The following TNFRSF8 variants were observed in gnomAD, a reference collection of about 807,000 sequenced individuals.
The protein encoded by TNFRSF8 is tumor necrosis factor receptor superfamily member 8.
In TNFRSF8, 26 loss-of-function variants were observed where a neutral mutation model predicts 70.8. The observed-to-expected ratio is 0.37, with a 90% CI of 0.27 to 0.51. The LOEUF (loss-of-function observed/expected upper bound fraction) is 0.51. TNFRSF8 is among the 20% of genes least tolerant of loss of function. TNFRSF8 has a pLI of 0.94. For missense variants in TNFRSF8, 720 were observed against 807.9 expected (o/e 0.89, Z 1.32); for synonymous variants, 356 against 339.2 (o/e 1.05, Z -0.54).
chr1:12,117,214 C>T (rs766502913), intron 8 of TNFRSF8, among the ~76,000 whole-genome samples: 8 of 152,214 alleles, frequency 5.3e-5, no homozygotes, highest in Middle Eastern at 3.4e-3. Context: ...TCCCGAGTAG[C>T]TGGGATTACA....
intron 8 of TNFRSF8, among the ~76,000 whole-genome samples, chr1:12,121,653 A>G (rs888023076): frequency 2.0e-5 from 3 of 152,212 alleles, no homozygotes; most frequent in Non-Finnish European, 4.4e-5. Flanking sequence ...GCTGGGTCAG[A>G]CCAGTGGTGG....
chr1:12,132,101 A>G (rs1473130774), intron 12 of TNFRSF8, among the ~76,000 whole-genome samples: 1 of 152,142 alleles, frequency 6.6e-6, no homozygotes, highest in Non-Finnish European at 1.5e-5. Flanking sequence ...CTCATTTTTA[A>G]AAATAGTTTT....
In TNFRSF8 at chr1:12,111,604, A is replaced by G. The variant is rs11569884; in HGVS notation, c.677-294A>G. ...GGAAGCTGTTCCCAAAGTTTTGAGC[A>G]GGGGAGTGACAGAGCCATGAGACAG... On this transcript the variant is annotated intron_variant, in intron 6 of 14. Coordinates refer to ENST00000263932, the MANE Select transcript of TNFRSF8 (RefSeq NM_001243.5). Among the ~76,000 whole-genome samples the G allele has an allele frequency of 8.3e-4, 126 of 152,230 alleles. 1 individual carries two copies. The highest frequency in any genetic ancestry group is 5.7e-3 in the Admixed American group (87 of 15,290).
At chr1:12,067,904 G>A (rs1262401494) in intron 1 of TNFRSF8, among the ~76,000 whole-genome samples, 3 of 54,468 alleles carry the variant, frequency 5.5e-5, no homozygotes, top group Non-Finnish European at 1.1e-4. Context: ...GCGGGGGGGC[G>A]GGGGGGGGAC....
chr1:12,116,418 T>C (rs1265410585), intron 8 of TNFRSF8, among the ~76,000 whole-genome samples: 2 of 152,252 alleles, frequency 1.3e-5, no homozygotes, highest in African/African-American at 4.8e-5. Context: ...GACAGTTTTT[T>C]GTTGTTGTTG....
At chr1:12,106,082 G>A (rs1641519046) in intron 4 of TNFRSF8, among the ~76,000 whole-genome samples, 1 of 151,940 alleles carries the variant, frequency 6.6e-6, no homozygotes, top group Admixed American at 6.6e-5. Context: ...AGGGCTTTTA[G>A]CGGTTCTTGG....
chr1:12,077,116 C>T lies in TNFRSF8; in HGVS notation c.64-7348C>T, dbSNP rs568633182. Among the ~76,000 whole-genome samples the T allele has an allele frequency of 1.2e-3, 185 of 152,168 alleles. 1 individual carries two copies. The highest frequency in any genetic ancestry group is 2.0e-3 in the Non-Finnish European group (139 of 68,006). Reference sequence around the variant, plus strand: ...ATCTTTTGTAGAGACGGGTTTTTCTCCTTTGCCGTGTTGCCCGGGCTGGTC... The same window carrying T: ...ATCTTTTGTAGAGACGGGTTTTTCTTCTTTGCCGTGTTGCCCGGGCTGGTC... On this transcript the variant is annotated intron_variant, in intron 1 of 14. Transcript: ENST00000263932.
At position 12,097,132 on chromosome 1, in the gene TNFRSF8, G is replaced by A. The variant is rs753585625; in HGVS notation, c.183G>A (p.Arg61=). 2 of 1,614,058 alleles carry A rather than the reference G, an allele frequency of 1.2e-6. No individual in the cohort carries two copies. The highest frequency in any genetic ancestry group is 3.3e-5 in the Admixed American group (2 of 60,026). Residue 61 remains arginine (R), a synonymous_variant, in exon 3 of 15, where the codon AGG becomes AGA. Transcript: ENST00000263932. ...GLFPTQQCPQ[R]PTDCRKQCEP... ...TCCCGACACAGCAGTGCCCACAGAGGCCTACTGACTGCAGGAAGCAGTGTG... is the reference window on the plus strand; with the variant it reads ...TCCCGACACAGCAGTGCCCACAGAGACCTACTGACTGCAGGAAGCAGTGTG...
At position 12,063,729 on chromosome 1, in the gene TNFRSF8, G is replaced by A. The variant is rs1486822766; in HGVS notation, c.63+68G>A. Reference sequence around the variant, plus strand: ...AGCCCGGACAGTGTGGGGTGCGTGGGACGCAAGGGAGGACACTCCTCACCC... The same window carrying A: ...AGCCCGGACAGTGTGGGGTGCGTGGAACGCAAGGGAGGACACTCCTCACCC... On this transcript the variant is annotated intron_variant, in intron 1 of 14. Transcript: ENST00000263932. This position sits in a 1 kb window ranked among gnomAD's most constrained non-coding sequence, Gnocchi z 7.2. 8.1e-6 allele frequency: 10 copies of A among 1,236,408 alleles called. No individual in the cohort carries two copies. The highest frequency in any genetic ancestry group is 8.2e-6 in the Non-Finnish European group (8 of 977,324). 76.6% of individuals were successfully genotyped at this position (1,236,408 alleles called of 1,614,324 possible).
intron 1 of TNFRSF8, among the ~76,000 whole-genome samples, chr1:12,081,648 T>G (rs1641064718): frequency 7.1e-6 from 1 of 140,744 alleles, no homozygotes; most frequent in African/African-American, 2.8e-5. Flanking sequence ...GTGACATGTT[T>G]CAGACATGCA....
rs374404638 is a variant in TNFRSF8, at chr1:12,120,370, G to C, written c.947-2914G>C. 2.0e-5 allele frequency among the ~76,000 whole-genome samples: 3 copies of C among 152,302 alleles called. No individual in the cohort carries two copies. In the East Asian group the frequency reaches 5.8e-4, roughly 29 times the overall value. ...GAAGTGTTCCCAGGAATAGAAGAGA[G>C]AATTGTAGTAAATTTCATGATTAGT... On this transcript the variant is annotated intron_variant, in intron 8 of 14. Transcript: ENST00000263932.
chr1:12,116,016 A>G (rs1641722552), intron 8 of TNFRSF8, among the ~76,000 whole-genome samples: 2 of 152,104 alleles, frequency 1.3e-5, no homozygotes, highest in Admixed American at 1.3e-4. Flanking sequence ...AGTTTCGCTC[A>G]TGTTGCCCAG....
At chr1:12,078,867 G>A (rs900299920) in intron 1 of TNFRSF8, among the ~76,000 whole-genome samples, 5 of 152,238 alleles carry the variant, frequency 3.3e-5, no homozygotes, top group Admixed American at 6.5e-5. Context: ...CTAGGTCAGC[G>A]CATCTCAAAC....
intron 8 of TNFRSF8, 120 bp downstream of exon 8, chr1:12,115,849 A>G (rs1641720120): frequency 3.5e-6 from 4 of 1,130,978 alleles, no homozygotes; most frequent in Non-Finnish European, 5.0e-6. Flanking sequence ...GCTGTTCATT[A>G]GGTCAGGTTT....
chr1:12,093,151 A>G (rs956882519), intron 2 of TNFRSF8, among the ~76,000 whole-genome samples: 1 of 152,002 alleles, frequency 6.6e-6, no homozygotes, highest in Non-Finnish European at 1.5e-5. Context: ...GATTAGGCCC[A>G]CCCTAGCGGC....
intron 10 of TNFRSF8, among the ~76,000 whole-genome samples, chr1:12,125,403 C>T (rs1224676958): frequency 1.3e-5 from 2 of 152,156 alleles, no homozygotes; most frequent in African/African-American, 4.8e-5. Flanking sequence ...CTCAGCTCCC[C>T]TCATTTTTAA....
chr1:12,095,226 A>AAAT (rs1372587304), intron 2 of TNFRSF8, among the ~76,000 whole-genome samples: 2 of 152,086 alleles, frequency 1.3e-5, no homozygotes, highest in Non-Finnish European at 2.9e-5. Context: ...CATTGCTTTG[A>AAAT]AACTGTGGAG....
At chr1:12,087,969 G>C (rs947251943) in intron 2 of TNFRSF8, among the ~76,000 whole-genome samples, 1 of 152,044 alleles carries the variant, frequency 6.6e-6, no homozygotes, top group African/African-American at 2.4e-5. Context: ...CGTGTAGCCA[G>C]AGAAGAAAAA....
chr1:12,111,738 C>A (rs1269360431), intron 6 of TNFRSF8, among the ~76,000 whole-genome samples, 160 bp from the exon 7 acceptor site: 1 of 152,200 alleles, frequency 6.6e-6, no homozygotes, highest in Non-Finnish European at 1.5e-5. Context: ...GCATTCCTGT[C>A]CTCTCTGAGC....
Sources: allele counts gnomAD v4.1 joint callset (sites outside exome capture counted in the v4.1 genomes callset), GRCh38; gene constraint gnomAD v4.1.1; non-coding constraint Gnocchi (gnomAD v3.1); transcripts MANE v1.5; gene names NCBI Gene and HGNC (gene_info 2026-07-23, HGNC 2026-07-21).